AGBL4: variants seen among roughly 807,000 people sequenced by gnomAD.
AGBL4 encodes the protein AGBL carboxypeptidase 4.
AGBL4 carries 58 observed loss-of-function variants against 66.4 expected under a neutral mutation model. The observed-to-expected ratio is 0.87, with a 90% confidence interval of 0.71 to 1.09. AGBL4 has a LOEUF of 1.09. AGBL4 is among the 50% of genes least tolerant of loss of function. The pLI, the probability that AGBL4 is intolerant of heterozygous loss-of-function variation, is 0.00. For missense variants in AGBL4, 579 were observed against 631.0 expected, an observed-to-expected ratio of 0.92 and a Z score of 0.88; for synonymous variants, 234 against 222.9, an observed-to-expected ratio of 1.05 and a Z score of -0.44.
intron 1 of AGBL4, among the ~76,000 whole-genome samples, chr1:49,944,582 C>T (rs1288603086): frequency 6.6e-6 from 1 of 151,922 alleles, no homozygotes; most frequent in Non-Finnish European, 1.5e-5. Flanking sequence ...CTAGACCTTC[C>T]CTCTGACAGA....
chr1:48,728,373 CTT>C (rs11344354), intron 6 of AGBL4, among the ~76,000 whole-genome samples: 5 of 145,466 alleles, frequency 3.4e-5, no homozygotes, highest in Admixed American at 2.1e-4. Flanking sequence ...GAACTTTTGC[CTT>C]TTTTTTTTTC....
chr1:49,397,171 G>T (rs1644990967), intron 3 of AGBL4, among the ~76,000 whole-genome samples: 1 of 152,008 alleles, frequency 6.6e-6, no homozygotes, highest in Non-Finnish European at 1.5e-5. Context: ...ACTGGTCCAT[G>T]GCCTGGGAGT....
chr1:49,417,152 A>G (rs964354070), intron 3 of AGBL4, among the ~76,000 whole-genome samples: 2 of 152,124 alleles, frequency 1.3e-5, no homozygotes, highest in African/African-American at 2.4e-5. Flanking sequence ...GTCATAGGCT[A>G]TGATCAGAGA....
chr1:49,616,628 T>A (rs1226583914), intron 3 of AGBL4, among the ~76,000 whole-genome samples: 1 of 152,172 alleles, frequency 6.6e-6, no homozygotes, highest in African/African-American at 2.4e-5. Context: ...CTTATCCAAC[T>A]GCCTATTCAA....
chr1:49,659,775 G>T (rs570864299), intron 3 of AGBL4, among the ~76,000 whole-genome samples: 1 of 152,204 alleles, frequency 6.6e-6, no homozygotes, highest in African/African-American at 2.4e-5. Context: ...GGACCTGATA[G>T]ATATATACAG....
At chr1:48,911,292 A>C (rs1653071376) in intron 5 of AGBL4, among the ~76,000 whole-genome samples, 1 of 152,164 alleles carries the variant, frequency 6.6e-6, no homozygotes, top group African/African-American at 2.4e-5. Context: ...AAGAGACTTC[A>C]TCTCTCTGTC....
At chr1:49,348,145 G>A (rs1211643118) in intron 3 of AGBL4, among the ~76,000 whole-genome samples, 1 of 152,062 alleles carries the variant, frequency 6.6e-6, no homozygotes, top group African/African-American at 2.4e-5. Flanking sequence ...AAAGCCAGGC[G>A]CGTTGGCTCA....
chr1:49,469,241 T>C (rs908729960), intron 3 of AGBL4, among the ~76,000 whole-genome samples: 7 of 151,894 alleles, frequency 4.6e-5, no homozygotes, highest in Non-Finnish European at 5.9e-5. Context: ...TTTTGTCATG[T>C]TTTTATGTTT....
chr1:49,622,425 C>G (rs533653904), intron 3 of AGBL4, among the ~76,000 whole-genome samples: 1 of 151,458 alleles, frequency 6.6e-6, no homozygotes, highest in East Asian at 1.9e-4. Context: ...GTCAGGAGAT[C>G]GAGACCATCC....
intron 3 of AGBL4, among the ~76,000 whole-genome samples, chr1:49,252,862 G>A (rs1652180836): frequency 6.6e-6 from 1 of 152,128 alleles, no homozygotes; most frequent in Non-Finnish European, 1.5e-5. Flanking sequence ...AAATGCTGAG[G>A]AAATTTGGTA....
chr1:48,764,757 G>C (rs1452858797), intron 6 of AGBL4, among the ~76,000 whole-genome samples: 6 of 152,196 alleles, frequency 3.9e-5, no homozygotes, highest in Non-Finnish European at 7.3e-5. Flanking sequence ...TAGAAATGGA[G>C]ATACAATATC....
intron 2 of AGBL4, among the ~76,000 whole-genome samples, chr1:49,749,402 A>G (rs1187174064): frequency 6.6e-6 from 1 of 152,188 alleles, no homozygotes; most frequent in Non-Finnish European, 1.5e-5. Flanking sequence ...CAATAGAAGA[A>G]AAACAAATAA....
At chr1:48,591,090 A>ACCG in intron 9 of AGBL4, 105 bp from the exon 10 acceptor site, 1 of 525,624 alleles carries the variant, frequency 1.9e-6, no homozygotes, top group Non-Finnish European at 2.9e-6. Context: ...ACACCCACCC[A>ACCG]CCCCCCCCCA....
chr1:49,303,447 T>C (rs1464864077), intron 3 of AGBL4, among the ~76,000 whole-genome samples: 3 of 43,072 alleles, frequency 7.0e-5, no homozygotes, highest in African/African-American at 1.4e-4. Flanking sequence ...GCTGCATAAA[T>C]GTCTTTTATT....
At position 49,105,300 on chromosome 1, in the gene AGBL4, G is replaced by A. The variant is rs1462735039; in HGVS notation, c.378-59500C>T. ...AAGCTCTCTCAAGCACAATGTTTGC[G>A]AACAGCAAGAAACAACAGGACACAG... On this transcript the variant is annotated intron_variant, in intron 4 of 13. Coordinates refer to ENST00000371839, the MANE Select transcript of AGBL4 (RefSeq NM_032785.4). Among the ~76,000 whole-genome samples the A allele has an allele frequency of 2.0e-5, 3 of 152,176 alleles. No homozygotes were observed. In the South Asian group the frequency reaches 6.2e-4, roughly 32 times the overall value.
At chr1:49,066,832 G>A (rs1342696725) in intron 4 of AGBL4, among the ~76,000 whole-genome samples, 1 of 152,134 alleles carries the variant, frequency 6.6e-6, no homozygotes, top group African/African-American at 2.4e-5. Flanking sequence ...GAAGAGACCT[G>A]GAGCCCTGCC....
At chr1:49,755,703 C>G (rs890999880) in intron 2 of AGBL4, among the ~76,000 whole-genome samples, 1 of 152,156 alleles carries the variant, frequency 6.6e-6, no homozygotes, top group Non-Finnish European at 1.5e-5. Flanking sequence ...CATGAATTAA[C>G]CCAATGATAA....
intron 5 of AGBL4, among the ~76,000 whole-genome samples, chr1:48,933,768 C>A (rs1445899347): frequency 6.6e-6 from 1 of 152,218 alleles, no homozygotes; most frequent in Non-Finnish European, 1.5e-5. Context: ...TAACATACCA[C>A]ACACATTAAC....
chr1:48,985,174 T>C (rs1660084744), intron 5 of AGBL4, among the ~76,000 whole-genome samples: 1 of 152,076 alleles, frequency 6.6e-6, no homozygotes, highest in South Asian at 2.1e-4. Context: ...AACTAATGTA[T>C]TCAGCTCCAG....
Sources: gnomAD v4.1 joint callset for allele counts (sites outside exome capture counted in the v4.1 genomes callset) on GRCh38, gnomAD v4.1.1 for gene constraint, MANE v1.5 for transcripts, NCBI Gene and HGNC (gene_info 2026-07-23, HGNC 2026-07-21) for gene names.